AGBL1: variants seen among roughly 807,000 people sequenced by gnomAD.
The protein encoded by AGBL1 is AGBL carboxypeptidase 1.
A neutral mutation model predicts 118.9 loss-of-function variants in AGBL1; 130 were observed. The observed-to-expected ratio is 1.09, with a 90% CI of 0.95 to 1.26. The LOEUF (loss-of-function observed/expected upper bound fraction) is 1.26. Among genes scored for constraint, AGBL1 ranks in the 50% most tolerant of loss-of-function variants. AGBL1 has a pLI of 0.00. For missense variants in AGBL1, 1,584 were observed against 1,298.1 expected (o/e 1.22, Z -3.38); for synonymous variants, 555 against 478.9 (o/e 1.16, Z -2.08).
At chr15:86,383,319 G>A (rs1437614261) in intron 17 of AGBL1, among the ~76,000 whole-genome samples, 1 of 151,466 alleles carries the variant, frequency 6.6e-6, no homozygotes, top group Non-Finnish European at 1.5e-5. Flanking sequence ...CGGGCGCAGT[G>A]GCTCACACCT....
At chr15:86,286,308 G>T (rs62015560) in intron 16 of AGBL1, among the ~76,000 whole-genome samples, 4,117 of 152,092 alleles carry the variant, frequency 0.027, 62 homozygotes, top group Middle Eastern at 0.072. Flanking sequence ...TTTCTTTGTG[G>T]TGAGAACACT....
At chr15:86,388,760 C>CT (rs1393639714) in intron 17 of AGBL1, among the ~76,000 whole-genome samples, 1 of 152,168 alleles carries the variant, frequency 6.6e-6, no homozygotes, top group African/African-American at 2.4e-5. Flanking sequence ...TTTTCGCTTG[C>CT]TTTCCCTCTT....
At chr15:86,962,426 C>A (rs1473077242) in intron 23 of AGBL1, among the ~76,000 whole-genome samples, 1 of 151,926 alleles carries the variant, frequency 6.6e-6, no homozygotes, top group Non-Finnish European at 1.5e-5. Context: ...CTTAAAGAAA[C>A]ATCTTTTTTT....
intron 19 of AGBL1, among the ~76,000 whole-genome samples, chr15:86,538,135 A>T (rs1302544205): frequency 6.6e-6 from 1 of 152,176 alleles, no homozygotes; most frequent in African/African-American, 2.4e-5. Context: ...ATTGAGTTTA[A>T]TGTGAAATTT....
At chr15:86,489,313 A>G (rs1463735917) in intron 18 of AGBL1, among the ~76,000 whole-genome samples, 1 of 152,140 alleles carries the variant, frequency 6.6e-6, no homozygotes, top group African/African-American at 2.4e-5. Context: ...AGTGTGAATG[A>G]ATGAATGAAC....
intron 19 of AGBL1, among the ~76,000 whole-genome samples, chr15:86,527,684 C>G (rs781246847): frequency 6.6e-6 from 1 of 152,144 alleles, no homozygotes. Context: ...TGGGAAGCCA[C>G]TTTATGGTGG....
At chr15:86,577,978 C>A (rs1025644984) in intron 21 of AGBL1, among the ~76,000 whole-genome samples, 2 of 152,198 alleles carry the variant, frequency 1.3e-5, no homozygotes, top group African/African-American at 4.8e-5. Context: ...GGGTTGGAAC[C>A]CCCACACAGA....
In AGBL1 at chr15:86,103,332, TC is replaced by T. The variant is rs1896844526; in HGVS notation, c.51+23310del. 8.5e-5 allele frequency among the ~76,000 whole-genome samples: 13 copies of T among 152,370 alleles called. No individual in the cohort carries two copies. The South Asian group carries it at 2.7e-3, about 32-fold the overall frequency. On this transcript the variant is annotated intron_variant, in intron 1 of 22. Transcript: ENST00000614907. ...TAATATCAATATGTTGAATTCTTTT[TC>T]TGGGATTTTGTAAATTTCCTTTTTA...
At position 86,674,479 on chromosome 15, in the gene AGBL1, G is replaced by A. The variant is rs370762741; in HGVS notation, c.3158+43G>A. Reference sequence around the variant, plus strand: ...GCTCAGAGAAATTTGGACCTTGGTGGTTCCATTGCTCAATATCTCAGTAAT... The same window carrying A: ...GCTCAGAGAAATTTGGACCTTGGTGATTCCATTGCTCAATATCTCAGTAAT... On this transcript the variant is annotated intron_variant, in intron 22 of 22. Coordinates refer to ENST00000614907, the MANE Select transcript of AGBL1 (RefSeq NM_001386094.1). 368 of 1,573,418 alleles carry A rather than the reference G, an allele frequency of 2.3e-4. 1 individual carries two copies. The highest frequency in any genetic ancestry group is 2.9e-4 in the Non-Finnish European group (338 of 1,152,082).
At chr15:87,017,088 G>T (rs1356039429) in intron 24 of AGBL1, among the ~76,000 whole-genome samples, 1 of 152,116 alleles carries the variant, frequency 6.6e-6, no homozygotes, top group Non-Finnish European at 1.5e-5. Flanking sequence ...AGACACACTG[G>T]CTTGGAATTC....
chr15:86,642,264 T>C (rs769943528), intron 21 of AGBL1, among the ~76,000 whole-genome samples: 1 of 152,200 alleles, frequency 6.6e-6, no homozygotes, highest in Non-Finnish European at 1.5e-5. Flanking sequence ...TGCCATGCAT[T>C]TTAGCCTTCC....
intron 22 of AGBL1, among the ~76,000 whole-genome samples, chr15:86,858,439 G>T (rs1395823182): frequency 6.7e-6 from 1 of 150,012 alleles, no homozygotes; most frequent in Non-Finnish European, 1.5e-5. Context: ...ACTTCAAGCA[G>T]TTCTCAGTTC....
chr15:86,689,876 C>A (rs78773036), intron 22 of AGBL1, among the ~76,000 whole-genome samples: 1 of 152,132 alleles, frequency 6.6e-6, no homozygotes, highest in African/African-American at 2.4e-5. Flanking sequence ...TAGCCAAGAG[C>A]ATGCCACCTT....
intron 21 of AGBL1, among the ~76,000 whole-genome samples, chr15:86,588,593 G>A (rs900359606): frequency 3.3e-5 from 5 of 152,188 alleles, no homozygotes; most frequent in African/African-American, 1.2e-4. Context: ...AGACACCACG[G>A]CAACCACAAC....
chr15:86,511,971 T>A (rs140796565), intron 18 of AGBL1, among the ~76,000 whole-genome samples: 54 of 152,126 alleles, frequency 3.5e-4, no homozygotes, highest in African/African-American at 9.6e-4. Context: ...CAGAAAGCAT[T>A]TATTTTGCTT....
intron 22 of AGBL1, among the ~76,000 whole-genome samples, chr15:86,896,901 C>T (rs908158241): frequency 1.3e-5 from 2 of 152,182 alleles, no homozygotes; most frequent in African/African-American, 4.8e-5. Flanking sequence ...CTATATCAAT[C>T]TTTGGATTTC....
chr15:86,270,860 G>T (rs914170673), intron 14 of AGBL1, among the ~76,000 whole-genome samples: 2 of 152,074 alleles, frequency 1.3e-5, no homozygotes, highest in Non-Finnish European at 2.9e-5. Context: ...GTTTCTCTAG[G>T]CTGAAGCCAA....
At chr15:86,931,413 C>T (rs546301901) in intron 23 of AGBL1, among the ~76,000 whole-genome samples, 1 of 152,264 alleles carries the variant, frequency 6.6e-6, no homozygotes, top group Admixed American at 6.5e-5. Context: ...AAACACCCAC[C>T]TTTCTCCTGC....
intron 23 of AGBL1, among the ~76,000 whole-genome samples, chr15:86,924,340 T>C (rs961917265): frequency 2.6e-5 from 4 of 152,228 alleles, no homozygotes; most frequent in Non-Finnish European, 5.9e-5. Flanking sequence ...TAGAAAGGTG[T>C]GTAATCTTAG....
Sources: gnomAD v4.1 joint callset for allele counts (sites outside exome capture counted in the v4.1 genomes callset) on GRCh38, gnomAD v4.1.1 for gene constraint, MANE v1.5 for transcripts, NCBI Gene and HGNC (gene_info 2026-07-23, HGNC 2026-07-21) for gene names.